The following ARHGEF2 variants were observed in gnomAD, a reference collection of about 807,000 sequenced individuals.
ARHGEF2 encodes the protein rho guanine nucleotide exchange factor 2.
ARHGEF2 carries 22 observed loss-of-function variants against 121.0 expected under a neutral mutation model. The observed-to-expected ratio is 0.18, with a 90% CI of 0.13 to 0.26. ARHGEF2 has a LOEUF of 0.26. Ranked by LOEUF, ARHGEF2 falls within the 10% of genes least tolerant of loss-of-function variation. The pLI, the probability that ARHGEF2 is intolerant of heterozygous loss-of-function variation, is 1.00. For synonymous variants in ARHGEF2, 487 were observed against 530.0 expected (o/e 0.92, Z 1.11); for missense variants, 907 against 1,336.0 (o/e 0.68, Z 5.01).
Position 155,957,717 on chromosome 1 carries a change from G to T in ARHGEF2, c.1711C>A (p.Arg571Ser). 1 of 1,611,022 alleles carries T rather than the reference G, an allele frequency of 6.2e-7. No homozygotes were observed. Among genetic ancestry groups the T allele is most frequent in the Non-Finnish European group, 8.5e-7 (1 of 1,178,888 alleles). Residue 571 changes from arginine (R) to serine (S), a missense_variant, in exon 13 of 22, where the codon CGC becomes AGC. Transcript: ENST00000361247. ...TWIRVIQQSV[R>S]TCPSREDFPL... ...AGGCGGCAGGCAGACACTCACGTGC[G>T]CACGCTCTGCTGAATGACCCGGATC... is the stretch of plus-strand genomic sequence containing the variant.
chr1:155,968,093 A>G (rs1348952283), intron 2 of ARHGEF2: 1 of 151,902 alleles, frequency 6.6e-6, no homozygotes, highest in African/African-American at 2.4e-5. Flanking sequence ...CGGATTGGGA[A>G]TTTTGTCAGG....
At chr1:155,970,624 C>T (rs1235393067) in intron 1 of ARHGEF2, 15 of 985,312 alleles carry the variant, frequency 1.5e-5, no homozygotes, top group African/African-American at 3.5e-5. Context: ...GCACTCAGCC[C>T]GGACTCTAGG....
At chr1:155,975,426 T>C (rs1188561549) in intron 1 of ARHGEF2, among the ~76,000 whole-genome samples, 1 of 151,932 alleles carries the variant, frequency 6.6e-6, no homozygotes, top group South Asian at 2.1e-4. Flanking sequence ...CTCCTGCAAG[T>C]CACTCAGTGA....
chr1:155,970,156 A>G, intron 1 of ARHGEF2: 6 of 985,374 alleles, frequency 6.1e-6, no homozygotes, highest in Non-Finnish European at 7.2e-6. Context: ...TCCTTACCCA[A>G]CTGGTCTCTC....
chr1:155,947,233 T>C lies in ARHGEF2; in HGVS notation c.*709A>G, dbSNP rs1358830673. ...TCTTAAAAATATAAAACACGTGCAG[T>C]TGACTTTGGTACAAAAAAGAAAACA... On this transcript the variant is annotated 3_prime_UTR_variant, in exon 22 of 22. Transcript: ENST00000361247. 2 of 396,500 alleles carry C rather than the reference T, an allele frequency of 5.0e-6. No individual in the cohort carries two copies. The highest frequency in any genetic ancestry group is 1.4e-4 in the East Asian group (2 of 13,872). 24.6% of individuals were successfully genotyped at this position (396,500 alleles called of 1,614,324 possible).
At chr1:155,977,058 G>A (rs1485929351) in intron 1 of ARHGEF2, among the ~76,000 whole-genome samples, 1 of 152,122 alleles carries the variant, frequency 6.6e-6, no homozygotes, top group African/African-American at 2.4e-5. Context: ...GGGAGGTGGA[G>A]GGGAGGGCTT....
chr1:155,972,136 G>C (rs561281412), intron 1 of ARHGEF2: 3 of 384,388 alleles, frequency 7.8e-6, no homozygotes, highest in Non-Finnish European at 1.1e-5. Flanking sequence ...CAAAGGGAGG[G>C]AGAAGACTGG....
In ARHGEF2 at chr1:155,957,862, C is replaced by T. The variant is rs200624202; in HGVS notation, c.1566G>A (p.Ser522=). The T allele has an allele frequency of 5.8e-5, 94 of 1,613,748 alleles. No individual in the cohort carries two copies. The Middle Eastern group carries it at 2.0e-3, about 34-fold the overall frequency. ...FPTLDKPSVV[S]LQNLIVRDIA... ...TGTCTCGTACGATTAGATTCTGCAGCGATACCACTGAAGGCTTGTCCTGCC... is the reference window on the plus strand; with the variant it reads ...TGTCTCGTACGATTAGATTCTGCAGTGATACCACTGAAGGCTTGTCCTGCC... Residue 522 remains serine, a synonymous_variant, in exon 13 of 22, where the codon TCG becomes TCA. Transcript: ENST00000361247.
chr1:155,947,157 T>C lies in ARHGEF2; in HGVS notation c.*785A>G. ...GTCATTCTCTCCCCCACCCCTCAAC[T>C]TCTTCAGAGATGTGGAGATAGGAGG... On this transcript the variant is annotated 3_prime_UTR_variant, in exon 22 of 22. Coordinates refer to ENST00000361247, the MANE Select transcript of ARHGEF2 (RefSeq NM_001162383.2). The C allele has an allele frequency of 5.6e-6, 2 of 356,036 alleles. No homozygotes were observed. Among genetic ancestry groups the C allele is most frequent in the Non-Finnish European group, 1.1e-5 (2 of 180,216 alleles). 22.1% of individuals were successfully genotyped at this position (356,036 alleles called of 1,614,324 possible).
chr1:155,959,312 C>T (rs956296416), intron 11 of ARHGEF2, among the ~76,000 whole-genome samples: 4 of 150,962 alleles, frequency 2.6e-5, no homozygotes, highest in South Asian at 2.1e-4. Context: ...GCAGTGGTGC[C>T]ATCTTGGCTC....
chr1:155,949,657 T>C (rs1056794153), intron 21 of ARHGEF2, among the ~76,000 whole-genome samples: 1 of 151,084 alleles, frequency 6.6e-6, no homozygotes, highest in Non-Finnish European at 1.5e-5. Context: ...GACAGGTGGA[T>C]CGCGAGGTCA....
chr1:155,958,574 A>ATTT (rs397722034), intron 11 of ARHGEF2, among the ~76,000 whole-genome samples, 178 bp from the exon 12 acceptor site: 4 of 122,268 alleles, frequency 3.3e-5, no homozygotes, highest in Non-Finnish European at 4.9e-5. Context: ...CACCCATTCT[A>ATTT]TTTTTTTTTT....
intron 15 of ARHGEF2, 106 bp from the exon 16 acceptor site, chr1:155,952,341 C>CAGA: frequency 6.8e-7 from 1 of 1,473,838 alleles, no homozygotes; most frequent in Non-Finnish European, 9.2e-7. Flanking sequence ...GGAATGCCCC[C>CAGA]TGCACTGGCA....
chr1:155,966,623 C>T, intron 3 of ARHGEF2, 144 bp from the exon 4 acceptor site: 1 of 1,080,912 alleles, frequency 9.3e-7, no homozygotes, highest in Non-Finnish European at 1.4e-6. Context: ...TGATTGAGCC[C>T]AGTGCTGTGG....
In ARHGEF2 at chr1:155,969,275, T is replaced by G; in HGVS notation, c.89A>C (p.Glu30Ala). 1 of 1,614,186 alleles carries G rather than the reference T, an allele frequency of 6.2e-7. No individual in the cohort carries two copies. Among genetic ancestry groups the G allele is most frequent in the South Asian group, 1.1e-5 (1 of 91,086 alleles). The stretch of plus-strand genomic sequence containing the variant: ...ATTGGTATAGCGGGCATCCTTGGCT[T>G]CCTTCATCTTCTCCTTTTCCCGGGT... ...SKTREKEKMK[E>A]AKDARYTNGH... is the part of the protein sequence containing the mutation. Residue 30 changes from glutamate to alanine, a missense_variant, in exon 2 of 22, where the codon GAA becomes GCA. Glu to Ala is a moderately radical substitution (Grantham distance 107). Around this residue, in one of 2 missense-constraint regions of ARHGEF2, gnomAD observed 475 missense variants for 776.5 expected, o/e 0.61. Coordinates refer to ENST00000361247, the MANE Select transcript of ARHGEF2 (RefSeq NM_001162383.2).
intron 21 of ARHGEF2, among the ~76,000 whole-genome samples, chr1:155,949,446 G>A (rs747656224): frequency 7.9e-5 from 12 of 151,804 alleles, no homozygotes; most frequent in Non-Finnish European, 1.8e-4. Flanking sequence ...TGGGCGTGGA[G>A]GCATGTGCCT....
intron 11 of ARHGEF2, among the ~76,000 whole-genome samples, chr1:155,960,482 AAGAG>A (rs1553241983): frequency 1.5e-4 from 23 of 150,040 alleles, no homozygotes; most frequent in Non-Finnish European, 3.3e-4. Flanking sequence ...AAAAAAAAAA[AAGAG>A]AGAGAAAACA....
Position 155,966,469 on chromosome 1 carries a change from G to A in ARHGEF2, c.287C>T (p.Ala96Val), listed in dbSNP as rs1385483513. The A allele has an allele frequency of 3.1e-6, 5 of 1,614,094 alleles. No homozygotes were observed. Among genetic ancestry groups the A allele is most frequent in the East Asian group, 2.2e-5 (1 of 44,888 alleles). The change falls in exon 4 of 22, where the codon GCG (alanine) becomes GTG (valine). Residue 96 changes from alanine (A) to valine (V), a missense_variant. Around this residue, in one of 2 missense-constraint regions of ARHGEF2, gnomAD observed 475 missense variants for 776.5 expected, o/e 0.61. Transcript: ENST00000361247. Reference sequence around the variant, plus strand: ...GGCGGTGTTGTTCTTCAGCAGGGCCGCTTTCTGTTGCTGTGAGACAGAGAG... The same window carrying A: ...GGCGGTGTTGTTCTTCAGCAGGGCCACTTTCTGTTGCTGTGAGACAGAGAG... ...CTKVKQKQQK[A>V]ALLKNNTALQ...
intron 11 of ARHGEF2, among the ~76,000 whole-genome samples, chr1:155,959,719 A>C (rs1677494478): frequency 6.6e-6 from 1 of 150,446 alleles, no homozygotes; most frequent in Admixed American, 6.6e-5. Flanking sequence ...TAATTTTTGT[A>C]TTTTTAGTAG....
Sources: gnomAD v4.1 joint callset for allele counts (sites outside exome capture counted in the v4.1 genomes callset) on GRCh38, gnomAD v4.1.1 for gene constraint, gnomAD v4.1.1 regional missense constraint, MANE v1.5 for transcripts, NCBI Gene and HGNC (gene_info 2026-07-23, HGNC 2026-07-21) for gene names.